The following AHCTF1 variants were observed in gnomAD, a reference collection of about 807,000 sequenced individuals.
AHCTF1 encodes protein ELYS.
AHCTF1 carries 24 observed loss-of-function variants against 248.4 expected under a neutral mutation model. That is an observed-to-expected ratio of 0.10 (90% CI 0.07 to 0.14). The LOEUF is 0.14. Among genes scored for constraint, AHCTF1 ranks in the 10% least tolerant of loss-of-function variants. The pLI is 1.00. For synonymous variants in AHCTF1, 786 were observed against 929.8 expected (o/e 0.85, Z 2.81); for missense variants, 2,206 against 2,636.2 (o/e 0.84, Z 3.57).
At chr1:246,872,593 A>G (rs1662674867) in intron 24 of AHCTF1, among the ~76,000 whole-genome samples, 1 of 152,156 alleles carries the variant, frequency 6.6e-6, no homozygotes, top group African/African-American at 2.4e-5. Flanking sequence ...ATAACTTAAG[A>G]AACCTCATTC....
In AHCTF1 at chr1:246,889,048, T is replaced by C. The variant is rs1214118225; in HGVS notation, c.2145-531A>G. ...CCAGTCAGTCAAGGTGAGGTCCCCA[T>C]GTGGTCCATCCAGCCAGTGACCATT... On this transcript the variant is annotated intron_variant, in intron 17 of 35. Coordinates refer to ENST00000648844, the MANE Select transcript of AHCTF1 (RefSeq NM_001323342.2). Among the ~76,000 whole-genome samples the C allele has an allele frequency of 3.9e-5, 6 of 152,186 alleles. No individual in the cohort carries two copies. The East Asian group carries it at 1.2e-3, about 29-fold the overall frequency.
chr1:246,872,301 G>A (rs1662652692), intron 24 of AHCTF1, among the ~76,000 whole-genome samples: 1 of 152,084 alleles, frequency 6.6e-6, no homozygotes, highest in African/African-American at 2.4e-5. Flanking sequence ...CAGCTGGGGT[G>A]GCACGCCAGG....
At chr1:246,915,357 G>C (rs929732356) in intron 3 of AHCTF1, among the ~76,000 whole-genome samples, 1 of 151,906 alleles carries the variant, frequency 6.6e-6, no homozygotes, top group Non-Finnish European at 1.5e-5. Context: ...CTTCACCGTT[G>C]ATTTCAAAGG....
chr1:246,842,618 G>A (rs1429896598), intron 35 of AHCTF1, 76 bp downstream of exon 35: 12 of 1,050,612 alleles, frequency 1.1e-5, no homozygotes, highest in African/African-American at 3.3e-5. Flanking sequence ...AATAATAAAA[G>A]GAGGATAGTA....
Position 246,850,433 on chromosome 1 carries a change from G to C in AHCTF1, c.5573C>G (p.Thr1858Ser), listed in dbSNP as rs1403415457. 6.3e-7 allele frequency: 1 copy of C among 1,596,572 alleles called. No homozygotes were observed. Among genetic ancestry groups the C allele is most frequent in the Middle Eastern group, 1.7e-4 (1 of 5,926 alleles). Residue 1858 changes from threonine (T) to serine (S), a missense_variant, in exon 33 of 36, where the codon ACT (threonine) becomes AGT (serine). By Grantham distance (58) the Thr-to-Ser change is moderately conservative (BLOSUM62 1). This residue lies in a region of AHCTF1 where 29 missense variants were observed against 57.1 expected (regional missense o/e 0.51). Coordinates refer to ENST00000648844, the MANE Select transcript of AHCTF1 (RefSeq NM_001323342.2). The part of the protein sequence containing the change: ...QLLEPAVEET[T>S]KKEVKVSSVT... ...AGATGAAACCTTAACTTCTTTTTTAGTAGTTTCTTCAACTGCTGGTTCCAA... is the reference window on the plus strand; with the variant it reads ...AGATGAAACCTTAACTTCTTTTTTACTAGTTTCTTCAACTGCTGGTTCCAA...
At chr1:246,904,274 T>C (rs72766526) in intron 6 of AHCTF1, among the ~76,000 whole-genome samples, 1 of 152,220 alleles carries the variant, frequency 6.6e-6, no homozygotes, top group Non-Finnish European at 1.5e-5. Flanking sequence ...AGATATCTTA[T>C]GTAGCAAAGA....
intron 1 of AHCTF1, among the ~76,000 whole-genome samples, chr1:246,930,201 T>C (rs1667246434): frequency 6.6e-6 from 1 of 152,128 alleles, no homozygotes; most frequent in African/African-American, 2.4e-5. Context: ...AGCGGCGCGA[T>C]CCTAGCTCAC....
rs1661064192 is a variant in AHCTF1 at position 246,855,722 on chromosome 1, A to G, written c.4354+8T>C. 6.3e-7 allele frequency: 1 copy of G among 1,597,720 alleles called. No individual in the cohort carries two copies. The highest frequency in any genetic ancestry group is 8.5e-7 in the Non-Finnish European group (1 of 1,169,918). On this transcript the variant is annotated splice_region_variant and intron_variant, in intron 31 of 35. Transcript: ENST00000648844. ...GAATAATCCTGAAGTCAAAATTATTATACATACATTTATTGTCATTTGCTC... is the reference window on the plus strand; with the variant it reads ...GAATAATCCTGAAGTCAAAATTATTGTACATACATTTATTGTCATTTGCTC...
chr1:246,918,296 T>C lies in AHCTF1; in HGVS notation c.75A>G (p.Glu25=). ...GCACAGATTCTAATGTTATTTCGTC[T>C]TCTCCAAGGGCTTGAAGAGTCACTT... The part of the protein sequence containing the change: ...FPEVTLQALG[E]DEITLESVLR... Residue 25 remains glutamate, a synonymous_variant, in exon 2 of 36, where the codon GAA becomes GAG. Coordinates refer to ENST00000648844, the MANE Select transcript of AHCTF1 (RefSeq NM_001323342.2). 2 of 1,612,342 alleles carry C rather than the reference T, an allele frequency of 1.2e-6. No individual in the cohort carries two copies. Among genetic ancestry groups the C allele is most frequent in the Non-Finnish European group, 1.7e-6 (2 of 1,179,626 alleles).
At chr1:246,842,643 C>G (rs777223927) in intron 35 of AHCTF1, 51 bp downstream of exon 35, 3 of 1,488,674 alleles carry the variant, frequency 2.0e-6, no homozygotes, top group Non-Finnish European at 2.8e-6. Context: ...GGGGACAGAG[C>G]GAGACTGTCT....
At chr1:246,907,427 T>C in intron 5 of AHCTF1, 124 bp downstream of exon 5, 1 of 805,932 alleles carries the variant, frequency 1.2e-6, no homozygotes, top group Non-Finnish European at 1.9e-6. Context: ...TCTCAATCAT[T>C]CATTCAATCA....
chr1:246,914,472 C>G (rs1198541688), intron 3 of AHCTF1, among the ~76,000 whole-genome samples: 2 of 152,192 alleles, frequency 1.3e-5, no homozygotes, highest in Non-Finnish European at 2.9e-5. Flanking sequence ...CAAAACATTA[C>G]TCAGTGTTTC....
intron 12 of AHCTF1, 33 bp downstream of exon 12, chr1:246,898,175 C>A: frequency 6.2e-7 from 1 of 1,609,220 alleles, no homozygotes; most frequent in Non-Finnish European, 8.5e-7. Context: ...GTGATCCAAC[C>A]AAAAGAAACA....
At position 246,857,868 on chromosome 1, in the gene AHCTF1, G is replaced by A. The variant is rs576423699; in HGVS notation, c.4133-54C>T. Reference sequence around the variant, plus strand: ...TTATGCTAAATATTTAGTGATTACTGATAGTCTTGCATTATTACTTTTTAA... The same window carrying A: ...TTATGCTAAATATTTAGTGATTACTAATAGTCTTGCATTATTACTTTTTAA... On this transcript the variant is annotated intron_variant, in intron 29 of 35. Transcript: ENST00000648844. The A allele has an allele frequency of 4.6e-6, 7 of 1,508,356 alleles. No homozygotes were observed. In the South Asian group the frequency reaches 6.0e-5, roughly 13 times the overall value. The allele number at this position is 1,508,356 out of a possible 1,614,324, so 93.4% of individuals were successfully genotyped here.
At chr1:246,900,516 G>A in intron 8 of AHCTF1, 47 bp from the exon 9 acceptor site, 2 of 1,547,780 alleles carry the variant, frequency 1.3e-6, no homozygotes, top group South Asian at 1.2e-5. Flanking sequence ...GAATCTCAAA[G>A]TAAAATCACC....
At chr1:246,855,874 T>C in intron 30 of AHCTF1, 47 bp from the exon 31 acceptor site, 1 of 1,393,464 alleles carries the variant, frequency 7.2e-7, no homozygotes, top group Non-Finnish European at 1.0e-6. Context: ...AGATCCCATC[T>C]GCTTTAACCT....
chr1:246,904,766 C>T (rs1193021637), intron 6 of AHCTF1, among the ~76,000 whole-genome samples: 1 of 152,190 alleles, frequency 6.6e-6, no homozygotes, highest in Admixed American at 6.5e-5. Context: ...CTGAATTTTA[C>T]TACTAGTTGA....
chr1:246,850,977 T>C lies in AHCTF1; in HGVS notation c.5029A>G (p.Lys1677Glu), dbSNP rs1660670024. The C allele has an allele frequency of 1.2e-6, 2 of 1,613,908 alleles. No individual in the cohort carries two copies. Among genetic ancestry groups the C allele is most frequent in the Non-Finnish European group, 1.7e-6 (2 of 1,179,882 alleles). Residue 1677 changes from lysine to glutamate, a missense_variant, in exon 33 of 36, where the codon AAA (lysine) becomes GAA (glutamate). Physicochemically the swap from Lys to Glu is moderately conservative, Grantham distance 56 (BLOSUM62 1). Coordinates refer to ENST00000648844, the MANE Select transcript of AHCTF1 (RefSeq NM_001323342.2). ...GTAATTTCTTTACTTCTTGTGTCTT[T>C]AATTACATCTAGTAAATTTTCTGCA... ...AIAENLLDVI[K>E]DTRSKEITSD...
intron 29 of AHCTF1, among the ~76,000 whole-genome samples, chr1:246,858,041 G>A (rs1661231430): frequency 1.3e-5 from 2 of 150,902 alleles, no homozygotes; most frequent in Non-Finnish European, 3.0e-5. Flanking sequence ...CTCACTGCAA[G>A]CTCTGCCTCC....
Sources: allele counts gnomAD v4.1 joint callset (sites outside exome capture counted in the v4.1 genomes callset), GRCh38; gene constraint gnomAD v4.1.1; regional missense constraint gnomAD v4.1.1; transcripts MANE v1.5; gene names NCBI Gene and HGNC (gene_info 2026-07-23, HGNC 2026-07-21).